Variants in RGS6 observed in about 807,000 individuals in gnomAD.
The protein encoded by RGS6 is regulator of G-protein signaling 6.
In RGS6, 30 loss-of-function variants were observed where a neutral mutation model predicts 78.5. That is an observed-to-expected ratio of 0.38 (90% CI 0.29 to 0.52). The LOEUF (loss-of-function observed/expected upper bound fraction) is 0.52, where lower values mean the gene tolerates loss of function less well. RGS6 is among the 20% of genes least tolerant of loss of function. The pLI is 0.85. For missense variants in RGS6, 495 were observed against 609.7 expected (o/e 0.81, Z 1.98); for synonymous variants, 206 against 206.0 (o/e 1.00, Z 0.00).
At chr14:72,377,726 C>T (rs1375512053) in intron 3 of RGS6, among the ~76,000 whole-genome samples, 1 of 152,210 alleles carries the variant, frequency 6.6e-6, no homozygotes, top group South Asian at 2.1e-4. Flanking sequence ...CACTATAATC[C>T]CAGCACTTTG....
chr14:72,567,819 G>A (rs374522865), downstream of RGS6, among the ~76,000 whole-genome samples: 14 of 152,176 alleles, frequency 9.2e-5, no homozygotes, highest in African/African-American at 2.9e-4. Flanking sequence ...CTCTCCCTCC[G>A]CCACCCTTCC....
At chr14:72,046,947 T>A (rs1039569649) in intron 2 of RGS6, among the ~76,000 whole-genome samples, 4 of 152,224 alleles carry the variant, frequency 2.6e-5, no homozygotes, top group Non-Finnish European at 5.9e-5. Context: ...TAATAACACC[T>A]TTATTTACCT....
chr14:72,299,832 T>G (rs542628964), intron 2 of RGS6, among the ~76,000 whole-genome samples: 17 of 152,330 alleles, frequency 1.1e-4, no homozygotes, highest in African/African-American at 4.1e-4. Context: ...CTGTAGAATC[T>G]ATAGCAATAT....
At chr14:72,156,416 T>C (rs1417668674) in intron 2 of RGS6, among the ~76,000 whole-genome samples, 2 of 131,664 alleles carry the variant, frequency 1.5e-5, no homozygotes, top group African/African-American at 3.0e-5. Flanking sequence ...TGGCTGCCAC[T>C]GCACTCCAGC....
chr14:72,264,668 A>G (rs1221322034), intron 2 of RGS6, among the ~76,000 whole-genome samples: 1 of 152,212 alleles, frequency 6.6e-6, no homozygotes, highest in East Asian at 1.9e-4. Flanking sequence ...CCAGGAGTAC[A>G]TGCAGTTTAA....
intron 13 of RGS6, among the ~76,000 whole-genome samples, chr14:72,506,188 T>A (rs28597713): frequency 0.014 from 2,068 of 152,156 alleles, 43 homozygotes; most frequent in African/African-American, 0.047. Flanking sequence ...CCTATGCTCA[T>A]TACAAAGACA....
intron 2 of RGS6, among the ~76,000 whole-genome samples, chr14:72,235,004 C>T (rs954254035): frequency 9.9e-5 from 15 of 152,072 alleles, no homozygotes; most frequent in South Asian, 4.1e-4. Flanking sequence ...ACAATTGAGT[C>T]AACTAGATGG....
intron 13 of RGS6, among the ~76,000 whole-genome samples, chr14:72,506,467 C>T (rs1250161015): frequency 6.6e-6 from 1 of 152,166 alleles, no homozygotes. Flanking sequence ...CATAAGAGAC[C>T]ATTCAGTGGT....
At chr14:72,112,768 C>G (rs926041909) in intron 2 of RGS6, among the ~76,000 whole-genome samples, 3 of 152,142 alleles carry the variant, frequency 2.0e-5, no homozygotes, top group African/African-American at 2.4e-5. Context: ...CCAAGTCTAA[C>G]CCAGATTGAT....
the RGS6 span, among the ~76,000 whole-genome samples, chr14:72,588,287 G>A: frequency 6.6e-6 from 1 of 152,118 alleles, no homozygotes; most frequent in Non-Finnish European, 1.5e-5. Flanking sequence ...TTTCATTTGT[G>A]AGCATATCTG....
At chr14:72,297,129 G>C (rs867443672) in intron 2 of RGS6, among the ~76,000 whole-genome samples, 8 of 151,960 alleles carry the variant, frequency 5.3e-5, no homozygotes, top group Admixed American at 4.6e-4. Flanking sequence ...TTATTTCATT[G>C]TTCTGTTTCT....
intron 2 of RGS6, among the ~76,000 whole-genome samples, chr14:72,043,841 C>T (rs2092627114): frequency 6.6e-6 from 1 of 152,172 alleles, no homozygotes; most frequent in Non-Finnish European, 1.5e-5. Flanking sequence ...TCTTCCCCTT[C>T]TGTTCAGTTA....
intron 6 of RGS6, among the ~76,000 whole-genome samples, chr14:72,463,174 G>A (rs1225197814): frequency 6.6e-6 from 1 of 152,180 alleles, no homozygotes; most frequent in Non-Finnish European, 1.5e-5. Flanking sequence ...AGGTAAGGGT[G>A]GAATGCCAGA....
At chr14:72,542,230 C>T (rs2097336989) in intron 17 of RGS6, among the ~76,000 whole-genome samples, 1 of 152,180 alleles carries the variant, frequency 6.6e-6, no homozygotes, top group Non-Finnish European at 1.5e-5. Flanking sequence ...TCCTCCTGCT[C>T]TTGGGGTGAC....
At chr14:72,500,392 G>A (rs2153425400) in intron 13 of RGS6, among the ~76,000 whole-genome samples, 1 of 152,312 alleles carries the variant, frequency 6.6e-6, no homozygotes, top group African/African-American at 2.4e-5. Flanking sequence ...AAACAGGGTG[G>A]AATCAGTGTC....
At chr14:72,246,571 T>C (rs1395984522) in intron 2 of RGS6, among the ~76,000 whole-genome samples, 2 of 152,226 alleles carry the variant, frequency 1.3e-5, no homozygotes, top group East Asian at 3.8e-4. Context: ...AGACTATGTT[T>C]TATGTTTGCC....
At chr14:72,054,585 CA>C (rs2093516510) in intron 2 of RGS6, among the ~76,000 whole-genome samples, 1 of 152,112 alleles carries the variant, frequency 6.6e-6, no homozygotes, top group African/African-American at 2.4e-5. Flanking sequence ...GACAAACCAC[CA>C]ACTGTCCACG....
At chr14:71,879,357 G>A in the RGS6 span, among the ~76,000 whole-genome samples, 4 of 152,156 alleles carry the variant, frequency 2.6e-5, no homozygotes, top group African/African-American at 9.7e-5. Context: ...CTACTGTGTG[G>A]CTTAAGAGAA....
chr14:71,877,510 A>G, the RGS6 span, among the ~76,000 whole-genome samples: 2 of 152,150 alleles, frequency 1.3e-5, no homozygotes, highest in African/African-American at 2.4e-5. Context: ...TTCTCGTGCC[A>G]TGGTTTTCAG....
Sources: gnomAD v4.1 joint callset for allele counts (sites outside exome capture counted in the v4.1 genomes callset) on GRCh38, gnomAD v4.1.1 for gene constraint, MANE v1.5 for transcripts, NCBI Gene and HGNC (gene_info 2026-07-23, HGNC 2026-07-21) for gene names.